Variants in PSD3 observed in about 807,000 individuals in gnomAD.
PSD3 encodes the protein pleckstrin and Sec7 domain containing 3.
Under a neutral mutation model 105.5 loss-of-function variants are expected in PSD3, and 49 were observed. The ratio of observed to expected loss-of-function variants is 0.46; its 90% CI spans 0.37 to 0.59. The LOEUF (loss-of-function observed/expected upper bound fraction) is 0.59. Among genes scored for constraint, PSD3 ranks in the 20% least tolerant of loss-of-function variants. The probability of loss-of-function intolerance (pLI) is 0.00; values close to 1 mark genes in which losing one functional copy is unlikely to be tolerated. For synonymous variants in PSD3, 557 were observed against 457.8 expected, an observed-to-expected ratio of 1.22 and a Z score of -2.77; for missense variants, 1,561 against 1,263.8, an observed-to-expected ratio of 1.24 and a Z score of -3.57.
rs865797004 is a variant in PSD3 at position 18,949,260 on chromosome 8, T to A, written c.22-13118A>T. Reference sequence around the variant, plus strand: ...AAAAAAAAAAATATATATATATATATATATATATATATATATATTTATAGT... The same window carrying A: ...AAAAAAAAAAATATATATATATATAAATATATATATATATATATTTATAGT... On this transcript the variant is annotated intron_variant, in intron 1 of 15. Coordinates refer to ENST00000327040, the MANE Select transcript of PSD3 (RefSeq NM_015310.4). 6.6e-4 allele frequency among the ~76,000 whole-genome samples: 68 copies of A among 103,176 alleles called. 1 individual carries two copies. The highest frequency in any genetic ancestry group is 1.5e-3 in the African/African-American group (46 of 29,826). The allele number at this position is 103,176 out of a possible 152,430, so 67.7% of individuals were successfully genotyped here.
At chr8:18,777,829 A>T (rs1004997405) in intron 8 of PSD3, among the ~76,000 whole-genome samples, 10 of 152,256 alleles carry the variant, frequency 6.6e-5, no homozygotes, top group Middle Eastern at 3.4e-3. Context: ...GCCTCTGGTA[A>T]ATATCATTTT....
At chr8:18,722,554 C>G (rs1216867317) in intron 9 of PSD3, among the ~76,000 whole-genome samples, 1 of 152,190 alleles carries the variant, frequency 6.6e-6, no homozygotes. Context: ...AATTCTTTCT[C>G]TCCATTTCCT....
At chr8:18,886,000 C>A (rs778552530) in intron 2 of PSD3, among the ~76,000 whole-genome samples, 1 of 152,136 alleles carries the variant, frequency 6.6e-6, no homozygotes, top group African/African-American at 2.4e-5. Flanking sequence ...AGCTGTACTT[C>A]AGGCACACAG....
chr8:18,643,988 G>A (rs1807845903), intron 10 of PSD3, among the ~76,000 whole-genome samples: 1 of 152,330 alleles, frequency 6.6e-6, no homozygotes, highest in South Asian at 2.1e-4. Flanking sequence ...CCAGAATGTG[G>A]GGAGCAGAGA....
At chr8:18,976,672 T>C (rs1195811845) in intron 1 of PSD3, among the ~76,000 whole-genome samples, 1 of 152,242 alleles carries the variant, frequency 6.6e-6, no homozygotes, top group Admixed American at 6.5e-5. Flanking sequence ...AATTCAAGCA[T>C]AGTGCATGGC....
chr8:18,942,743 G>A (rs1370986974), intron 1 of PSD3, among the ~76,000 whole-genome samples: 1 of 152,264 alleles, frequency 6.6e-6, no homozygotes, highest in Non-Finnish European at 1.5e-5. Context: ...TTCCAACTTT[G>A]ATCTCGAATT....
At chr8:18,911,139 A>T (rs904917885) in intron 2 of PSD3, among the ~76,000 whole-genome samples, 5 of 152,072 alleles carry the variant, frequency 3.3e-5, no homozygotes, top group Non-Finnish European at 7.4e-5. Context: ...CAGATAAAAG[A>T]GGGAGTGTTT....
In PSD3 at chr8:18,867,762, C is replaced by G; in HGVS notation, c.1546G>C (p.Gly516Arg). ...CCATTGGTGACGCCACTAGAATAGC[C>G]CATCACGATGCCACCATCTGCAGAC... Reference protein sequence around the residue: ...SVSADGGIVMGYSSGVTNGLN... With the variant: ...SVSADGGIVMRYSSGVTNGLN... The change falls in exon 4 of 16, where the codon GGC becomes CGC. Residue 516 changes from glycine (G) to arginine (R), a missense_variant. By Grantham distance (125) the Gly-to-Arg change is moderately radical (BLOSUM62 -2). Coordinates refer to ENST00000327040, the MANE Select transcript of PSD3 (RefSeq NM_015310.4). 1 of 1,614,052 alleles carries G rather than the reference C, an allele frequency of 6.2e-7. No individual in the cohort carries two copies. Among genetic ancestry groups the G allele is most frequent in the Non-Finnish European group, 8.5e-7 (1 of 1,180,000 alleles).
chr8:19,061,451 G>A (rs918826314), intron 1 of PSD3, among the ~76,000 whole-genome samples: 1 of 151,990 alleles, frequency 6.6e-6, no homozygotes, highest in Non-Finnish European at 1.5e-5. Context: ...AATCAGGAGC[G>A]GACAGGTATT....
intron 3 of PSD3, among the ~76,000 whole-genome samples, chr8:18,869,548 T>C (rs1447640649): frequency 6.6e-6 from 1 of 152,174 alleles, no homozygotes; most frequent in Non-Finnish European, 1.5e-5. Context: ...AGGCCTTGGC[T>C]TCACACATCT....
chr8:18,600,474 A>G (rs779362126), intron 11 of PSD3, 40 bp from the exon 12 acceptor site: 1 of 1,440,526 alleles, frequency 6.9e-7, no homozygotes. Flanking sequence ...ATTTGACATC[A>G]GCATTTTAGA....
At chr8:19,033,044 A>G (rs140902357) in intron 1 of PSD3, among the ~76,000 whole-genome samples, 296 of 152,260 alleles carry the variant, frequency 1.9e-3, no homozygotes, top group African/African-American at 6.4e-3. Flanking sequence ...CAGGACTTCA[A>G]GACCAGCCTG....
At chr8:18,689,595 G>A (rs751822511) in intron 9 of PSD3, among the ~76,000 whole-genome samples, 2 of 152,164 alleles carry the variant, frequency 1.3e-5, no homozygotes, top group African/African-American at 2.4e-5. Flanking sequence ...ACAGAATGGC[G>A]GTTGTAACAC....
At chr8:18,872,794 T>G in intron 2 of PSD3, 61 bp from the exon 3 acceptor site, 1 of 1,434,074 alleles carries the variant, frequency 7.0e-7, no homozygotes, top group Non-Finnish European at 9.4e-7. Flanking sequence ...CAGTAGGTAA[T>G]AATGCATATT....
At chr8:18,600,274 A>T in intron 12 of PSD3, 90 bp downstream of exon 12, 1 of 1,166,158 alleles carries the variant, frequency 8.6e-7, no homozygotes, top group Non-Finnish European at 1.2e-6. Context: ...GTGAAACCAC[A>T]GATAAGGGAG....
chr8:18,667,352 A>T (rs561249436), intron 9 of PSD3, among the ~76,000 whole-genome samples: 1 of 152,256 alleles, frequency 6.6e-6, no homozygotes, highest in South Asian at 2.1e-4. Flanking sequence ...GTGTATTTAC[A>T]AACCCTGAGC....
At chr8:19,009,505 G>C (rs1001592991) in intron 1 of PSD3, among the ~76,000 whole-genome samples, 32 of 152,128 alleles carry the variant, frequency 2.1e-4, no homozygotes, top group African/African-American at 6.8e-4. Flanking sequence ...GAATAAGGGA[G>C]ACAACCCAAG....
intron 4 of PSD3, among the ~76,000 whole-genome samples, chr8:18,859,013 G>A (rs997509423): frequency 9.2e-5 from 14 of 151,996 alleles, no homozygotes; most frequent in Non-Finnish European, 1.9e-4. Flanking sequence ...ATCCATCAGA[G>A]GAATCACTAT....
At chr8:18,625,795 A>C (rs1183363525) in intron 11 of PSD3, among the ~76,000 whole-genome samples, 1 of 152,094 alleles carries the variant, frequency 6.6e-6, no homozygotes, top group African/African-American at 2.4e-5. Flanking sequence ...GACAATAATA[A>C]TATCTGCTTT....
Sources: allele counts gnomAD v4.1 joint callset (sites outside exome capture counted in the v4.1 genomes callset), GRCh38; gene constraint gnomAD v4.1.1; transcripts MANE v1.5; gene names NCBI Gene and HGNC (gene_info 2026-07-23, HGNC 2026-07-21).